Variants in PARP1 observed in about 807,000 individuals in gnomAD.
PARP1 encodes poly(ADP-ribose) polymerase 1.
Under a neutral mutation model 118.7 loss-of-function variants are expected in PARP1, and 44 were observed. The ratio of observed to expected loss-of-function variants is 0.37; its 90% CI spans 0.29 to 0.48. PARP1 has a LOEUF of 0.48. Ranked by LOEUF, PARP1 falls within the 20% of genes least tolerant of loss-of-function variation. The pLI is 0.99. For missense variants in PARP1, 1,100 were observed against 1,272.4 expected (o/e 0.86, Z 2.06); for synonymous variants, 492 against 483.2 (o/e 1.02, Z -0.24).
chr1:226,375,759 A>T (rs899532355), intron 13 of PARP1, among the ~76,000 whole-genome samples: 2 of 152,198 alleles, frequency 1.3e-5, no homozygotes, highest in African/African-American at 2.4e-5. Context: ...AAAAACTTTA[A>T]ATGTATTGAA....
rs1249034256 is a variant in PARP1 at position 226,379,925 on chromosome 1, C to T, written c.1540G>A (p.Glu514Lys). 1 of 1,613,670 alleles carries T rather than the reference C, an allele frequency of 6.2e-7. No homozygotes were observed. Among genetic ancestry groups the T allele is most frequent in the Middle Eastern group, 1.8e-4 (1 of 5,632 alleles). Residue 514 changes from glutamate (E) to lysine (K), a missense_variant, in exon 10 of 23, where the codon GAA becomes AAA. Glu to Lys is a moderately conservative substitution (Grantham distance 56). This residue lies in a region of PARP1 where 948 missense variants were observed against 1,031.8 expected (regional missense o/e 0.92). Transcript: ENST00000366794. ...GGGGGCAGCTTGGGGCCCTCACCTTCCTCCTTGACCTGGCCCTTGCTTTTT... is the reference window on the plus strand; with the variant it reads ...GGGGGCAGCTTGGGGCCCTCACCTTTCTCCTTGACCTGGCCCTTGCTTTTT... ...SKKSKGQVKE[E>K]GINKSEKRMK...
At chr1:226,368,382 G>A (rs1664315143) in intron 15 of PARP1, 61 bp from the exon 16 acceptor site, 1 of 1,612,010 alleles carries the variant, frequency 6.2e-7, no homozygotes, top group African/African-American at 1.3e-5. Context: ...CCCCCGGCCA[G>A]GCTTTCTCTT....
chr1:226,379,300 G>T, intron 11 of PARP1, 26 bp from the exon 12 acceptor site: 2 of 1,614,182 alleles, frequency 1.2e-6, no homozygotes, highest in Non-Finnish European at 1.7e-6. Flanking sequence ...AGCACCTACA[G>T]TTTTCTCTCC....
intron 13 of PARP1, among the ~76,000 whole-genome samples, chr1:226,376,808 T>C (rs145813163): frequency 1.3e-5 from 2 of 152,300 alleles, no homozygotes; most frequent in Admixed American, 6.5e-5. Context: ...TGGATTCGGT[T>C]TGTTAGGATT....
rs971329987 is a variant in PARP1, at chr1:226,379,912, G to A, written c.1543+10C>T. On this transcript the variant is annotated intron_variant, in intron 10 of 22. Coordinates refer to ENST00000366794, the MANE Select transcript of PARP1 (RefSeq NM_001618.4). ...TTTTGGCCCTGGAGGGGGCAGCTTG[G>A]GGCCCTCACCTTCCTCCTTGACCTG... 6.2e-6 allele frequency: 10 copies of A among 1,613,178 alleles called. No individual in the cohort carries two copies. The highest frequency in any genetic ancestry group is 8.5e-6 in the Non-Finnish European group (10 of 1,179,992).
At chr1:226,365,720 T>A (rs1396188360) in intron 18 of PARP1, among the ~76,000 whole-genome samples, 2 of 151,404 alleles carry the variant, frequency 1.3e-5, no homozygotes, top group African/African-American at 4.9e-5. Context: ...CAGGCCGGGA[T>A]TGCACCACTG....
chr1:226,392,639 C>T lies in PARP1; in HGVS notation c.287-325G>A, dbSNP rs3219032. ...TTAGAAAGCACTTATTAGGTGCTTA[C>T]CTTAAAAGCCTGGAAGCATACTGAC... On this transcript the variant is annotated intron_variant, in intron 2 of 22. Coordinates refer to ENST00000366794, the MANE Select transcript of PARP1 (RefSeq NM_001618.4). 9.9e-3 allele frequency: 5,323 copies of T among 537,108 alleles called. 236 individuals are homozygous for T. Among genetic ancestry groups the T allele is most frequent in the African/African-American group, 0.091 (4,801 of 52,890 alleles). The allele number at this position is 537,108 out of a possible 1,614,324, so 33.3% of individuals were successfully genotyped here.
chr1:226,362,023 G>A lies in PARP1; in HGVS notation c.2909C>T (p.Pro970Leu). ...ACCAGATGAAATCCCGGTCCCAAGAGGAACGTCTACACCATCCAGACTAAT... is the reference window on the plus strand; with the variant it reads ...ACCAGATGAAATCCCGGTCCCAAGAAGAACGTCTACACCATCCAGACTAAT... The part of the protein sequence containing the change: ...ANISLDGVDV[P>L]LGTGISSGVN... The change falls in exon 22 of 23, where the codon CCT becomes CTT. Residue 970 changes from proline (P) to leucine (L), a missense_variant. Physicochemically the swap from Pro to Leu is moderately conservative, Grantham distance 98 (BLOSUM62 -3). Transcript: ENST00000366794. 1.2e-6 allele frequency: 2 copies of A among 1,613,802 alleles called. No individual in the cohort carries two copies. The highest frequency in any genetic ancestry group is 1.7e-6 in the Non-Finnish European group (2 of 1,179,710).
Position 226,377,099 on chromosome 1 carries a change from T to C in PARP1, c.1941+9A>G, listed in dbSNP as rs766563270. 6.2e-7 allele frequency: 1 copy of C among 1,611,522 alleles called. No individual in the cohort carries two copies. The highest frequency in any genetic ancestry group is 1.1e-5 in the South Asian group (1 of 90,994). On this transcript the variant is annotated intron_variant, in intron 13 of 22. Transcript: ENST00000366794. ...AGAAGCAGACAGTGTAAGGGCATTA[T>C]GTGGTTACCTGGCCATAGTCAATCT... is the stretch of plus-strand genomic sequence containing the variant.
At chr1:226,398,658 T>C (rs1199253748) in intron 2 of PARP1, among the ~76,000 whole-genome samples, 1 of 151,940 alleles carries the variant, frequency 6.6e-6, no homozygotes, top group Non-Finnish European at 1.5e-5. Flanking sequence ...ATTAAAACAA[T>C]AATAAAATAC....
chr1:226,366,992 T>C (rs919143728), intron 17 of PARP1: 6 of 229,546 alleles, frequency 2.6e-5, no homozygotes, highest in Admixed American at 2.1e-4. Context: ...TCAGAGACTG[T>C]GTGTGCCAAC....
intron 8 of PARP1, 126 bp from the exon 9 acceptor site, chr1:226,381,334 G>A (rs1001163304): frequency 2.9e-6 from 3 of 1,045,064 alleles, no homozygotes; most frequent in African/African-American, 1.6e-5. Flanking sequence ...ATACACTCGC[G>A]AGAAAACAGG....
chr1:226,403,918 C>A lies in PARP1; in HGVS notation c.121-1539G>T, dbSNP rs190345715. Among the ~76,000 whole-genome samples the A allele has an allele frequency of 3.3e-5, 5 of 152,290 alleles. No homozygotes were observed. The East Asian group carries it at 7.7e-4, about 23-fold the overall frequency. On this transcript the variant is annotated intron_variant, in intron 1 of 22. Transcript: ENST00000366794. ...GGACAGGGAAAATACTCTGGAAAAG[C>A]AATGATAAGGTACCCCACTATCTCT...
At chr1:226,407,038 G>A (rs1335924272) in intron 1 of PARP1, among the ~76,000 whole-genome samples, 1 of 152,146 alleles carries the variant, frequency 6.6e-6, no homozygotes, top group Non-Finnish European at 1.5e-5. Flanking sequence ...GAAGCTGGAG[G>A]CAGGAGCCCC....
chr1:226,394,651 C>T (rs1236373506), intron 2 of PARP1, among the ~76,000 whole-genome samples: 3 of 152,144 alleles, frequency 2.0e-5, no homozygotes, highest in African/African-American at 7.2e-5. Context: ...CGGTAGCTCA[C>T]GCTTGTAGTC....
chr1:226,363,833 A>C, intron 20 of PARP1, 110 bp downstream of exon 20: 1 of 1,160,090 alleles, frequency 8.6e-7, no homozygotes, highest in Non-Finnish European at 1.3e-6. Flanking sequence ...TGGTGCGTCC[A>C]GTAACTGCAG....
chr1:226,383,621 G>C (rs1295198735), intron 7 of PARP1, among the ~76,000 whole-genome samples: 2 of 152,122 alleles, frequency 1.3e-5, no homozygotes, highest in Non-Finnish European at 2.9e-5. Context: ...TACACACTGG[G>C]AGATTATTAC....
chr1:226,368,314 G>A lies in PARP1; in HGVS notation c.2162C>T (p.Ser721Phe), dbSNP rs1664313537. ...GATCTGAGAGTCGCTGCTGCCCTGAGACACCGCCTGGAGAGGAGGGGACAG... is the reference window on the plus strand; with the variant it reads ...GATCTGAGAGTCGCTGCTGCCCTGAAACACCGCCTGGAGAGGAGGGGACAG... ...SILSEVQQAV[S>F]QGSSDSQILD... The change falls in exon 16 of 23, where the codon TCT (serine) becomes TTT (phenylalanine). Residue 721 changes from serine to phenylalanine, a missense_variant. Coordinates refer to ENST00000366794, the MANE Select transcript of PARP1 (RefSeq NM_001618.4). The A allele has an allele frequency of 1.2e-6, 2 of 1,614,194 alleles. No homozygotes were observed. The highest frequency in any genetic ancestry group is 4.5e-5 in the East Asian group (2 of 44,892).
chr1:226,370,602 G>T (rs747569406), intron 14 of PARP1, 85 bp from the exon 15 acceptor site: 3 of 1,077,828 alleles, frequency 2.8e-6, no homozygotes, highest in African/African-American at 1.5e-5. Flanking sequence ...CCCACCCTCA[G>T]GCCCCCAACA....
Sources: allele counts gnomAD v4.1 joint callset (sites outside exome capture counted in the v4.1 genomes callset), GRCh38; gene constraint gnomAD v4.1.1; regional missense constraint gnomAD v4.1.1; transcripts MANE v1.5; gene names NCBI Gene and HGNC (gene_info 2026-07-23, HGNC 2026-07-21).